Variants in GSN observed in about 807,000 individuals in gnomAD.
GSN encodes actin-depolymerizing factor.
GSN carries 56 observed loss-of-function variants against 85.7 expected under a neutral mutation model. The observed-to-expected ratio is 0.65, with a 90% CI of 0.53 to 0.82. The LOEUF is 0.82. GSN is among the 40% of genes least tolerant of loss of function. The probability of loss-of-function intolerance (pLI) is 0.00; values close to 1 mark genes in which losing one functional copy is unlikely to be tolerated. For missense variants in GSN, 857 were observed against 979.8 expected, an observed-to-expected ratio of 0.87 and a Z score of 1.67; for synonymous variants, 373 against 399.1, an observed-to-expected ratio of 0.93 and a Z score of 0.78.
chr9:121,221,681 C>T (rs2054172838), intron 4 of GSN, among the ~76,000 whole-genome samples: 1 of 152,170 alleles, frequency 6.6e-6, no homozygotes, highest in South Asian at 2.1e-4. Flanking sequence ...TTTTCCCATT[C>T]ATAGAAAGAA....
rs531760154 is a variant in GSN, at chr9:121,209,070, C to T, written c.-807-226C>T. On this transcript the variant is annotated intron_variant, in intron 1 of 24. Coordinates refer to the GSN transcript ENST00000373823. ...TCAACAAAAAGATGCAGAGGAAGGC[C>T]AGAATATTTTCTTTATTAGTGATAT... Among the ~76,000 whole-genome samples the T allele has an allele frequency of 6.6e-4, 101 of 152,328 alleles. 2 individuals are homozygous for T. Among genetic ancestry groups the T allele is most frequent in the African/African-American group, 2.2e-3 (92 of 41,568 alleles).
chr9:121,225,629 C>T (rs2054258723), intron 4 of GSN, among the ~76,000 whole-genome samples: 1 of 152,146 alleles, frequency 6.6e-6, no homozygotes, highest in African/African-American at 2.4e-5. Flanking sequence ...CTAGCCACAC[C>T]CAGATTAGAA....
In GSN at chr9:121,326,978, G is replaced by A. The variant is rs183913804; in HGVS notation, c.1587+296G>A. Among the ~76,000 whole-genome samples the A allele has an allele frequency of 5.3e-5, 8 of 152,252 alleles. No individual in the cohort carries two copies. The East Asian group carries it at 1.4e-3, about 26-fold the overall frequency. Reference sequence around the variant, plus strand: ...TCCAGTTGCCTACTATCCCTTTCACGGAGGAAGGCACAGATCTGGACTTGA... The same window carrying A: ...TCCAGTTGCCTACTATCCCTTTCACAGAGGAAGGCACAGATCTGGACTTGA... On this transcript the variant is annotated intron_variant, in intron 13 of 17. Transcript: ENST00000432226.
chr9:121,319,122 A>G (rs1293617776), intron 10 of GSN, among the ~76,000 whole-genome samples: 1 of 152,246 alleles, frequency 6.6e-6, no homozygotes, highest in Non-Finnish European at 1.5e-5. Context: ...CCATAGCCAC[A>G]GACCTGTGTG....
chr9:121,307,080 C>A (rs999564777), intron 4 of GSN, among the ~76,000 whole-genome samples: 4 of 152,030 alleles, frequency 2.6e-5, no homozygotes, highest in Non-Finnish European at 5.9e-5. Context: ...ACTCAGGAGG[C>A]TGAGGCAGGA....
chr9:121,202,496 T>A, the GSN span, among the ~76,000 whole-genome samples: 5 of 152,230 alleles, frequency 3.3e-5, no homozygotes, highest in African/African-American at 9.6e-5. Context: ...TGACTTCACT[T>A]TGGGGTTGCC....
chr9:121,209,441 A>AG (rs781253526), intron 2 of GSN: 3 of 133,844 alleles, frequency 2.2e-5, no homozygotes, highest in Non-Finnish European at 4.8e-5. Context: ...GGGGGTGGGG[A>AG]GGGGGGAAGA....
intron 17 of GSN, 190 bp downstream of exon 17, chr9:121,331,638 C>T (rs1214998981): frequency 8.7e-6 from 5 of 571,510 alleles, no homozygotes; most frequent in African/African-American, 1.9e-5. Flanking sequence ...CACATCAGTT[C>T]CTTCAGAAAC....
intron 4 of GSN, among the ~76,000 whole-genome samples, chr9:121,220,605 A>G (rs540563367): frequency 2.0e-4 from 31 of 152,268 alleles, no homozygotes; most frequent in Non-Finnish European, 3.8e-4. Context: ...TGGTGGAACC[A>G]CAGCTAATTT....
At chr9:121,217,376 A>AT (rs2054084589) in intron 4 of GSN, among the ~76,000 whole-genome samples, 3 of 151,930 alleles carry the variant, frequency 2.0e-5, no homozygotes, top group South Asian at 2.1e-4. Context: ...AAAAAAAAAA[A>AT]AAATAACTTT....
rs377275007 is a variant in GSN, at chr9:121,299,028, A to G, written c.-9-2935A>G. On this transcript the variant is annotated intron_variant, in intron 2 of 17. Transcript: ENST00000432226. This position sits in a 1 kb window ranked among gnomAD's most constrained non-coding sequence, Gnocchi z 4.2. Reference sequence around the variant, plus strand: ...AAGTAACAAGGGCTTGCTTAGAGACATGACGGTAAACCCTGAACCATCAGC... The same window carrying G: ...AAGTAACAAGGGCTTGCTTAGAGACGTGACGGTAAACCCTGAACCATCAGC... 2.6e-5 allele frequency among the ~76,000 whole-genome samples: 4 copies of G among 152,364 alleles called. No homozygotes were observed. Among genetic ancestry groups the G allele is most frequent in the East Asian group, 3.9e-4 (2 of 5,188 alleles).
chr9:121,244,712 T>C (rs1167720537), intron 5 of GSN, among the ~76,000 whole-genome samples: 1 of 152,236 alleles, frequency 6.6e-6, no homozygotes, highest in African/African-American at 2.4e-5. Context: ...GAATAAATGA[T>C]GGTACATCCC....
rs1273641948 is a variant in GSN at position 121,332,469 on chromosome 9, G to T, written c.2062G>T (p.Asp688Tyr). 1.2e-6 allele frequency: 2 copies of T among 1,614,042 alleles called. No individual in the cohort carries two copies. The highest frequency in any genetic ancestry group is 2.2e-5 in the East Asian group (1 of 44,890). The part of the protein sequence containing the change: ...RYIETDPANR[D>Y]RRTPITVVKQ... ...CATCGAGACGGACCCAGCCAATCGG[G>T]ATCGGCGGACGCCCATCACCGTGGT... Residue 688 changes from aspartate to tyrosine, a missense_variant, in exon 18 of 18, where the codon GAT becomes TAT. By Grantham distance (160) the Asp-to-Tyr change is radical (BLOSUM62 -3). Coordinates refer to ENST00000432226, the MANE Select transcript of GSN (RefSeq NM_198252.3). This position sits in a 1 kb window ranked among gnomAD's most constrained non-coding sequence, Gnocchi z 4.8.
intron 6 of GSN, among the ~76,000 whole-genome samples, chr9:121,259,104 T>C (rs2055027821): frequency 1.3e-5 from 2 of 152,202 alleles, no homozygotes; most frequent in Non-Finnish European, 2.9e-5. Context: ...GTATTGAGGG[T>C]CTGATCTGTC....
intron 6 of GSN, 70 bp downstream of exon 6, chr9:121,312,558 CAATTTGAGGTG>C: frequency 2.1e-6 from 2 of 971,230 alleles, no homozygotes; most frequent in Non-Finnish European, 2.9e-6. Flanking sequence ...GTTCAGTAGG[CAATTTGAGGTG>C]AATTTGAGGA....
At chr9:121,239,299 A>T (rs2054556435) in intron 5 of GSN, 1 of 398,432 alleles carries the variant, frequency 2.5e-6, no homozygotes, top group Admixed American at 3.1e-5. Flanking sequence ...GGCTGTGGTT[A>T]GAACCGGGTG....
intron 5 of GSN, among the ~76,000 whole-genome samples, chr9:121,241,410 G>C (rs2054602849): frequency 1.3e-5 from 2 of 152,154 alleles, no homozygotes; most frequent in African/African-American, 4.8e-5. Context: ...AAGAGTCCCT[G>C]TCCGTGGATG....
In GSN at chr9:121,226,582, GTA is replaced by G. The variant is rs578194889; in HGVS notation, c.-527-4581_-527-4580del. 1.0e-3 allele frequency among the ~76,000 whole-genome samples: 156 copies of G among 152,284 alleles called. 2 individuals are homozygous for G. The highest frequency in any genetic ancestry group is 3.4e-3 in the African/African-American group (142 of 41,558). ...TGGGGTGAAATAATAAGAAATATAA[GTA>G]TTGGTCTCTGCCCGAGTCCCTGGCA... On this transcript the variant is annotated intron_variant, in intron 4 of 24. Coordinates refer to the GSN transcript ENST00000373823.
intron 4 of GSN, chr9:121,310,258 T>G: frequency 6.8e-6 from 2 of 295,570 alleles, no homozygotes; most frequent in South Asian, 6.5e-5. Flanking sequence ...TATGCTTATT[T>G]GACCGTGGAA....
Sources: gnomAD v4.1 joint callset for allele counts (sites outside exome capture counted in the v4.1 genomes callset) on GRCh38, gnomAD v4.1.1 for gene constraint, Gnocchi (gnomAD v3.1) non-coding constraint, MANE v1.5 for transcripts, NCBI Gene and HGNC (gene_info 2026-07-23, HGNC 2026-07-21) for gene names.